Variants in SOX5 observed in about 807,000 individuals in gnomAD.
The protein encoded by SOX5 is SRY-box transcription factor 5.
In SOX5, 9 loss-of-function variants were observed where a neutral mutation model predicts 92.0. The observed-to-expected ratio is 0.10, with a 90% CI of 0.06 to 0.17. The LOEUF (loss-of-function observed/expected upper bound fraction) is 0.17, where lower values mean the gene tolerates loss of function less well. Among genes scored for constraint, SOX5 ranks in the 10% least tolerant of loss-of-function variants. The pLI is 1.00. For synonymous variants in SOX5, 344 were observed against 336.3 expected (o/e 1.02, Z -0.25); for missense variants, 642 against 944.5 (o/e 0.68, Z 4.20).
At position 23,534,281 on chromosome 12, in the gene SOX5, C is replaced by G; in HGVS notation, c.2230G>C (p.Asp744His). The change falls in exon 15 of 15, where the codon GAT becomes CAT. Residue 744 changes from aspartate to histidine, a missense_variant. This residue lies in a region of SOX5 where 130 missense variants were observed against 140.6 expected (regional missense o/e 0.92). Transcript: ENST00000451604. ...EIYDEYDEEE[D>H]DPDVDYGSDS... is the part of the protein sequence containing the mutation. ...CTCCCATAATCTACATCTGGATCAT[C>G]CTCTTCCTCGTCGTACTCATCATAA... 6.2e-7 allele frequency: 1 copy of G among 1,614,186 alleles called. No individual in the cohort carries two copies. The highest frequency in any genetic ancestry group is 8.5e-7 in the Non-Finnish European group (1 of 1,180,012).
chr12:24,285,552 T>G (rs1411839759), intron 2 of SOX5, among the ~76,000 whole-genome samples: 1 of 152,232 alleles, frequency 6.6e-6, no homozygotes, highest in Non-Finnish European at 1.5e-5. Context: ...AAATTCTACA[T>G]CAGTGCCTAA....
chr12:23,637,345 G>T (rs1023456053), intron 8 of SOX5, among the ~76,000 whole-genome samples: 2 of 152,070 alleles, frequency 1.3e-5, no homozygotes, highest in South Asian at 4.1e-4. Context: ...AACAGAAAAC[G>T]AGTGAGAACA....
chr12:23,885,730 T>C (rs1189426375), intron 2 of SOX5, among the ~76,000 whole-genome samples: 1 of 152,186 alleles, frequency 6.6e-6, no homozygotes, highest in Non-Finnish European at 1.5e-5. Flanking sequence ...ACAAAGGAGA[T>C]ATGTAACCAA....
upstream of SOX5, chr12:23,949,815 C>CCT (rs71059947): frequency 0.7 from 304,791 of 437,492 alleles, 110,654 homozygotes; most frequent in South Asian, 0.72. Flanking sequence ...TCCTTCCCCT[C>CCT]CTCTCTCTCC....
intron 1 of SOX5, among the ~76,000 whole-genome samples, chr12:23,929,544 G>C (rs1294296281): frequency 6.6e-6 from 1 of 151,630 alleles, no homozygotes; most frequent in African/African-American, 2.4e-5. Context: ...AAGAGAAAAT[G>C]AACCTTTTAG....
intron 1 of SOX5, among the ~76,000 whole-genome samples, chr12:24,497,887 T>C (rs1169569045): frequency 6.6e-6 from 1 of 152,176 alleles, no homozygotes; most frequent in Admixed American, 6.5e-5. Context: ...AATGAGATCA[T>C]ATCCTCTGCA....
Position 23,947,701 on chromosome 12 carries a change from GA to G in SOX5, c.38+1862del, listed in dbSNP as rs546315214. On this transcript the variant is annotated intron_variant, in intron 1 of 14. Transcript: ENST00000451604. ...TAGTTAGAAAAGCATGCCTCTGGGT[GA>G]AAAAAAAAAATGAAATTCCCACCAG... 4.5e-3 allele frequency among the ~76,000 whole-genome samples: 635 copies of G among 140,050 alleles called. 4 individuals are homozygous for G. The highest frequency in any genetic ancestry group is 7.1e-3 in the Non-Finnish European group (459 of 64,200). The allele number at this position is 140,050 out of a possible 152,430, so 91.9% of individuals were successfully genotyped here.
intron 6 of SOX5, among the ~76,000 whole-genome samples, chr12:23,713,721 C>T: frequency 6.9e-6 from 1 of 145,838 alleles, no homozygotes; most frequent in South Asian, 2.1e-4. Flanking sequence ...ATATATATAT[C>T]TTTTATATAT....
chr12:23,858,089 GTA>G (rs780772544), intron 2 of SOX5, among the ~76,000 whole-genome samples: 72 of 140,434 alleles, frequency 5.1e-4, no homozygotes, highest in Non-Finnish European at 8.4e-4. Flanking sequence ...GTGTGTGTGT[GTA>G]TATGCAAGGC....
At chr12:23,909,458 A>G (rs550411916) in intron 1 of SOX5, among the ~76,000 whole-genome samples, 2 of 152,226 alleles carry the variant, frequency 1.3e-5, no homozygotes, top group Non-Finnish European at 2.9e-5. Flanking sequence ...AAAATCTGTC[A>G]GTACAAAAAT....
intron 2 of SOX5, among the ~76,000 whole-genome samples, chr12:23,878,711 C>G (rs1267290747): frequency 2.6e-5 from 4 of 152,022 alleles, no homozygotes; most frequent in African/African-American, 9.7e-5. Context: ...TTATATTAAG[C>G]TATTTTTATC....
intron 4 of SOX5, among the ~76,000 whole-genome samples, chr12:23,753,765 C>G (rs1014665722): frequency 2.0e-5 from 3 of 151,708 alleles, no homozygotes; most frequent in Non-Finnish European, 4.4e-5. Flanking sequence ...CAACAAGAAC[C>G]TTTAAATCAA....
At chr12:23,534,649 C>A in intron 14 of SOX5, 127 bp from the exon 15 acceptor site, 11 of 650,800 alleles carry the variant, frequency 1.7e-5, no homozygotes, top group Admixed American at 3.1e-5. Flanking sequence ...AATTGCCTAA[C>A]ATTTTTCAAA....
intron 10 of SOX5, among the ~76,000 whole-genome samples, chr12:23,573,264 A>G (rs928983738): frequency 6.6e-6 from 1 of 152,148 alleles, no homozygotes; most frequent in African/African-American, 2.4e-5. Flanking sequence ...CACCAAACTT[A>G]GAAAAAGATG....
At chr12:23,655,023 C>CTT (rs2082137942) in intron 7 of SOX5, among the ~76,000 whole-genome samples, 1 of 151,790 alleles carries the variant, frequency 6.6e-6, no homozygotes, top group Non-Finnish European at 1.5e-5. Flanking sequence ...CAAATGAAAA[C>CTT]TTTATCCTAT....
chr12:23,549,188 G>A (rs1303548333), intron 11 of SOX5, among the ~76,000 whole-genome samples: 2 of 151,896 alleles, frequency 1.3e-5, no homozygotes, highest in Non-Finnish European at 2.9e-5. Context: ...CTAAATAGAG[G>A]CAGATGGAAC....
chr12:24,067,596 A>G (rs1940967964), intron 4 of SOX5, among the ~76,000 whole-genome samples: 1 of 152,224 alleles, frequency 6.6e-6, no homozygotes, highest in African/African-American at 2.4e-5. Context: ...TATATGCTTT[A>G]TCACTCCCTA....
chr12:24,209,741 G>A (rs1349706154), intron 4 of SOX5, among the ~76,000 whole-genome samples: 1 of 151,832 alleles, frequency 6.6e-6, no homozygotes, highest in Non-Finnish European at 1.5e-5. Flanking sequence ...CCTTCCGGCC[G>A]GGCGCGGTGG....
intron 4 of SOX5, among the ~76,000 whole-genome samples, chr12:24,047,265 T>C (rs1450827873): frequency 6.6e-6 from 1 of 152,210 alleles, no homozygotes; most frequent in African/African-American, 2.4e-5. Flanking sequence ...TAGAAATATA[T>C]TTTCCTGTTC....
Sources: allele counts gnomAD v4.1 joint callset (sites outside exome capture counted in the v4.1 genomes callset), GRCh38; gene constraint gnomAD v4.1.1; regional missense constraint gnomAD v4.1.1; transcripts MANE v1.5; gene names NCBI Gene and HGNC (gene_info 2026-07-23, HGNC 2026-07-21).